RP1: variants seen among roughly 807,000 people sequenced by gnomAD.
The protein encoded by RP1 is oxygen-regulated protein 1.
In RP1, 16 loss-of-function variants were observed where a neutral mutation model predicts 14.8. The observed-to-expected ratio is 1.08, with a 90% CI of 0.73 to 1.65. The LOEUF (loss-of-function observed/expected upper bound fraction) is 1.65. Ranked by LOEUF, RP1 falls within the 40% of genes most tolerant of loss-of-function variation. The pLI is 0.00. For synonymous variants in RP1, 876 were observed against 883.6 expected (o/e 0.99, Z 0.15); for missense variants, 2,631 against 2,535.0 (o/e 1.04, Z -0.81).
chr8:54,666,142 T>C (rs369440064), intron 7 of RP1, among the ~76,000 whole-genome samples: 3 of 152,074 alleles, frequency 2.0e-5, no homozygotes, highest in South Asian at 2.1e-4. Flanking sequence ...AAGATGAAGA[T>C]TGGCTTTATT....
At chr8:54,684,032 A>T (rs1807496549) in intron 12 of RP1, among the ~76,000 whole-genome samples, 1 of 145,722 alleles carries the variant, frequency 6.9e-6, no homozygotes, top group East Asian at 2.0e-4. Context: ...GGGATGTTGA[A>T]TTTTACCAAA....
intron 12 of RP1, among the ~76,000 whole-genome samples, chr8:54,694,150 T>G (rs1807794878): frequency 1.3e-5 from 2 of 152,226 alleles, no homozygotes; most frequent in Admixed American, 1.3e-4. Context: ...GAACCAGCCT[T>G]GCATCCCAGG....
At chr8:54,719,035 G>A (rs75534775) in intron 15 of RP1, among the ~76,000 whole-genome samples, 3,444 of 152,224 alleles carry the variant, frequency 0.023, 56 homozygotes, top group Middle Eastern at 0.048. Flanking sequence ...AACACAGATG[G>A]TCTATGGTAA....
At chr8:54,598,803 C>G (rs1288028585) in intron 1 of RP1, among the ~76,000 whole-genome samples, 1 of 152,206 alleles carries the variant, frequency 6.6e-6, no homozygotes, top group Admixed American at 6.5e-5. Flanking sequence ...TTCGGAGCTT[C>G]TTGACTTTTG....
At chr8:54,696,278 T>G in intron 12 of RP1, 1 of 342,074 alleles carries the variant, frequency 2.9e-6, no homozygotes, top group Non-Finnish European at 5.2e-6. Flanking sequence ...CCTCCTTCAT[T>G]TGGTATATAT....
Position 54,758,796 on chromosome 8 carries a change from C to A in RP1, c.3094-126C>A, listed in dbSNP as rs955420354. 9.6e-6 allele frequency: 9 copies of A among 935,450 alleles called. No homozygotes were observed. The African/African-American group carries it at 1.2e-4, about 12-fold the overall frequency. 57.9% of individuals were successfully genotyped at this position (935,450 alleles called of 1,614,324 possible). On this transcript the variant is annotated intron_variant, in intron 21 of 22. Transcript: ENST00000636932. ...ATATTGCCCCTTTTGATGCTAACTA[C>A]AGTAACATCTCTTTTAAAGTATTGT...
At chr8:54,572,747 T>C (rs1231303453) in intron 1 of RP1, among the ~76,000 whole-genome samples, 1 of 152,214 alleles carries the variant, frequency 6.6e-6, no homozygotes, top group Non-Finnish European at 1.5e-5. Flanking sequence ...TTGCAAGAGA[T>C]AAACCAGCAC....
intron 19 of RP1, chr8:54,754,657 GACT>G (rs1015187668): frequency 1.1e-5 from 8 of 752,934 alleles, no homozygotes; most frequent in African/African-American, 1.8e-5. Context: ...ACCAACCTAC[GACT>G]ACTACTACTA....
intron 15 of RP1, among the ~76,000 whole-genome samples, chr8:54,719,241 A>G (rs1001104510): frequency 6.6e-6 from 1 of 152,038 alleles, no homozygotes; most frequent in South Asian, 2.1e-4. Context: ...TATTATCTGT[A>G]TATGTGGTTG....
intron 14 of RP1, chr8:54,706,394 A>G (rs1585623396): frequency 1.3e-6 from 2 of 1,520,502 alleles, no homozygotes; most frequent in Non-Finnish European, 8.8e-7. Context: ...CTCTAGCAAA[A>G]CACGAGCCCG....
chr8:54,803,288 G>A (rs930047451), intron 24 of RP1, among the ~76,000 whole-genome samples: 3 of 152,168 alleles, frequency 2.0e-5, no homozygotes, highest in African/African-American at 7.2e-5. Flanking sequence ...GGACGGGACT[G>A]GAGAGAGACA....
chr8:54,791,125 C>A (rs1412295030), intron 24 of RP1, among the ~76,000 whole-genome samples: 1 of 152,152 alleles, frequency 6.6e-6, no homozygotes, highest in Non-Finnish European at 1.5e-5. Flanking sequence ...TCATCATATA[C>A]AGTGGAGCCT....
At chr8:54,801,481 A>G in intron 24 of RP1, among the ~76,000 whole-genome samples, 1 of 152,072 alleles carries the variant, frequency 6.6e-6, no homozygotes, top group East Asian at 1.9e-4. Context: ...TATTTTTATC[A>G]GTGCCCTCAG....
At chr8:54,598,681 T>C (rs1206503507) in intron 1 of RP1, among the ~76,000 whole-genome samples, 1 of 152,242 alleles carries the variant, frequency 6.6e-6, no homozygotes, top group Non-Finnish European at 1.5e-5. Context: ...TTAGTTTTCC[T>C]TCATCTGAGC....
intron 24 of RP1, among the ~76,000 whole-genome samples, chr8:54,825,069 A>T (rs1042087158): frequency 6.6e-6 from 1 of 151,868 alleles, no homozygotes; most frequent in Non-Finnish European, 1.5e-5. Context: ...TCCCGGGTTC[A>T]CGCCATTCTC....
chr8:54,869,947 G>A, exon 29 of RP1: 3 of 1,192,038 alleles, frequency 2.5e-6, no homozygotes, highest in Non-Finnish European at 3.2e-6. Context: ...TCCTGAAAGG[G>A]CCCACTTGGG....
At chr8:54,807,675 T>TCTATCTATC (rs1810889429) in intron 24 of RP1, among the ~76,000 whole-genome samples, 1 of 113,646 alleles carries the variant, frequency 8.8e-6, no homozygotes, top group South Asian at 2.7e-4. Context: ...TCTATCTATC[T>TCTATCTATC]ATTTATCTAT....
chr8:54,725,531 C>A (rs1048877742), intron 16 of RP1, among the ~76,000 whole-genome samples: 6 of 152,182 alleles, frequency 3.9e-5, no homozygotes, highest in African/African-American at 7.2e-5. Flanking sequence ...CTAATTTCTA[C>A]TAAGCATACC....
intron 12 of RP1, among the ~76,000 whole-genome samples, chr8:54,695,401 T>G (rs985822708): frequency 9.2e-5 from 14 of 152,094 alleles, no homozygotes; most frequent in African/African-American, 3.4e-4. Context: ...GTAGTTGATA[T>G]TCTTGATAAA....
Sources: gnomAD v4.1 joint callset for allele counts (sites outside exome capture counted in the v4.1 genomes callset) on GRCh38, gnomAD v4.1.1 for gene constraint, MANE v1.5 for transcripts, NCBI Gene and HGNC (gene_info 2026-07-23, HGNC 2026-07-21) for gene names.